CADM2: variants seen among roughly 807,000 people sequenced by gnomAD.
CADM2 encodes immunoglobulin superfamily member 4D.
In CADM2, 12 loss-of-function variants were observed where a neutral mutation model predicts 49.8. The ratio of observed to expected loss-of-function variants is 0.24; its 90% confidence interval spans 0.15 to 0.39. The LOEUF (loss-of-function observed/expected upper bound fraction) is 0.39. Ranked by LOEUF, CADM2 falls within the 10% of genes least tolerant of loss-of-function variation. The pLI, the probability that CADM2 is intolerant of heterozygous loss-of-function variation, is 1.00. For synonymous variants in CADM2, 214 were observed against 175.4 expected (o/e 1.22, Z -1.74); for missense variants, 378 against 492.3 (o/e 0.77, Z 2.20).
At chr3:85,310,766 T>C (rs140442310) in intron 1 of CADM2, among the ~76,000 whole-genome samples, 21 of 152,310 alleles carry the variant, frequency 1.4e-4, no homozygotes, top group African/African-American at 4.8e-4. Context: ...TCTGAAAGTA[T>C]GGAAGCAGGA....
At chr3:84,984,373 A>C (rs1032393057) in intron 1 of CADM2, among the ~76,000 whole-genome samples, 47 of 148,518 alleles carry the variant, frequency 3.2e-4, no homozygotes, top group African/African-American at 1.1e-3. Flanking sequence ...AAAAAAAAAA[A>C]AAAAAAAAAA....
At chr3:85,274,989 G>T (rs1257109147) in intron 1 of CADM2, among the ~76,000 whole-genome samples, 1 of 151,386 alleles carries the variant, frequency 6.6e-6, no homozygotes, top group Non-Finnish European at 1.5e-5. Context: ...ACAGCTTGAA[G>T]TCAATGAGAA....
chr3:85,676,305 C>G (rs1342019758), intron 1 of CADM2, among the ~76,000 whole-genome samples: 1 of 152,186 alleles, frequency 6.6e-6, no homozygotes, highest in African/African-American at 2.4e-5. Context: ...CCCTCCCAAA[C>G]CCAAATAGAA....
intron 8 of CADM2, chr3:86,014,572 G>C: frequency 6.3e-7 from 1 of 1,597,172 alleles, no homozygotes; most frequent in Non-Finnish European, 8.6e-7. Flanking sequence ...GAAACACTAA[G>C]TGTCCCAACA....
chr3:85,763,521 T>C (rs1280714535), intron 2 of CADM2, among the ~76,000 whole-genome samples: 1 of 152,184 alleles, frequency 6.6e-6, no homozygotes, highest in Non-Finnish European at 1.5e-5. Context: ...TAACAAATTA[T>C]TCTGAGTGAA....
At chr3:85,288,424 AT>A (rs1271162953) in intron 1 of CADM2, among the ~76,000 whole-genome samples, 2 of 152,012 alleles carry the variant, frequency 1.3e-5, no homozygotes, top group Non-Finnish European at 1.5e-5. Context: ...TTGTTAGATA[AT>A]TTTTGTTTTT....
intron 1 of CADM2, among the ~76,000 whole-genome samples, chr3:85,377,613 G>A (rs2107342745): frequency 6.6e-6 from 1 of 152,158 alleles, no homozygotes; most frequent in Non-Finnish European, 1.5e-5. Context: ...TACAGCTTAT[G>A]AAGAAATTAT....
chr3:85,613,330 TAAATG>T (rs1352668998), intron 1 of CADM2, among the ~76,000 whole-genome samples: 1 of 151,728 alleles, frequency 6.6e-6, no homozygotes, highest in East Asian at 1.9e-4. Context: ...ACAGCTTTAA[TAAATG>T]AAATGTTATT....
In CADM2 at chr3:85,257,953, C is replaced by T. The variant is rs540478152; in HGVS notation, c.61+298285C>T. ...GAGAGCTGTTACATCAGTATAATGTCTTTTTCTTAAAATATGAGTGACTCC... is the reference window on the plus strand; with the variant it reads ...GAGAGCTGTTACATCAGTATAATGTTTTTTTCTTAAAATATGAGTGACTCC... On this transcript the variant is annotated intron_variant, in intron 1 of 9. Transcript: ENST00000383699. Among the ~76,000 whole-genome samples, 11 of 152,142 alleles carry T rather than the reference C, an allele frequency of 7.2e-5. No homozygotes were observed. The East Asian group carries it at 1.9e-3, about 27-fold the overall frequency.
rs144441021 is a variant in CADM2 at position 85,288,384 on chromosome 3, G to T, written c.61+328716G>T. ...ATTTTCCTGTATTATTTCCATGGAT[G>T]ATTTGAAATAGGTGATTTTTGTTAG... On this transcript the variant is annotated intron_variant, in intron 1 of 9. Transcript: ENST00000383699. Among the ~76,000 whole-genome samples the T allele has an allele frequency of 2.1e-3, 313 of 152,104 alleles. 1 individual carries two copies. The highest frequency in any genetic ancestry group is 7.3e-3 in the African/African-American group (304 of 41,496).
intron 1 of CADM2, among the ~76,000 whole-genome samples, chr3:85,392,024 A>G (rs1032279419): frequency 1.3e-5 from 2 of 152,096 alleles, no homozygotes; most frequent in Admixed American, 6.5e-5. Flanking sequence ...GAGTGTTAGC[A>G]TTGGGAGAGA....
intron 3 of CADM2, among the ~76,000 whole-genome samples, chr3:85,872,954 C>A (rs1229375599): frequency 4.6e-5 from 7 of 152,048 alleles, no homozygotes; most frequent in African/African-American, 7.2e-5. Flanking sequence ...TAACAAAATA[C>A]CACAGACTGG....
At chr3:85,586,360 A>G (rs2062946073) in intron 1 of CADM2, among the ~76,000 whole-genome samples, 2 of 152,120 alleles carry the variant, frequency 1.3e-5, no homozygotes, top group African/African-American at 4.8e-5. Flanking sequence ...AAAAACAAAA[A>G]CAGAAAAACA....
chr3:85,502,743 T>C lies in CADM2; in HGVS notation c.62-223779T>C, dbSNP rs1015102871. ...ATCACTGTTTCTTCCTGGGAATAGT[T>C]GAGCTTATCCAGAGGCAAAAGTTGA... On this transcript the variant is annotated intron_variant, in intron 1 of 9. Transcript: ENST00000383699. Among the ~76,000 whole-genome samples the C allele has an allele frequency of 3.9e-5, 6 of 152,262 alleles. No homozygotes were observed. The East Asian group carries it at 1.2e-3, about 29-fold the overall frequency.
chr3:85,330,473 C>G (rs1341083856), intron 1 of CADM2, among the ~76,000 whole-genome samples: 1 of 152,070 alleles, frequency 6.6e-6, no homozygotes, highest in Non-Finnish European at 1.5e-5. Flanking sequence ...TTGCAATGCT[C>G]CAACAACACT....
At chr3:85,815,892 G>A (rs2073174653) in intron 3 of CADM2, among the ~76,000 whole-genome samples, 1 of 152,088 alleles carries the variant, frequency 6.6e-6, no homozygotes, top group South Asian at 2.1e-4. Flanking sequence ...AGCAACTTTA[G>A]CAAAGTTCAG....
chr3:85,921,134 TATC>T (rs1478428636), intron 6 of CADM2, among the ~76,000 whole-genome samples: 1 of 151,822 alleles, frequency 6.6e-6, no homozygotes, highest in Non-Finnish European at 1.5e-5. Flanking sequence ...CAAGTAAAAA[TATC>T]ATATACATCT....
intron 7 of CADM2, among the ~76,000 whole-genome samples, chr3:85,956,820 A>T (rs540543193): frequency 7.2e-5 from 11 of 151,804 alleles, no homozygotes; most frequent in Admixed American, 6.6e-4. Flanking sequence ...AAAGCTTATA[A>T]ACAGAACTAG....
intron 1 of CADM2, among the ~76,000 whole-genome samples, chr3:85,309,243 A>G (rs2044286118): frequency 6.6e-6 from 1 of 152,154 alleles, no homozygotes; most frequent in South Asian, 2.1e-4. Flanking sequence ...AAGACCTGAG[A>G]TGAATCTTCA....
Sources: gnomAD v4.1 joint callset for allele counts (sites outside exome capture counted in the v4.1 genomes callset) on GRCh38, gnomAD v4.1.1 for gene constraint, MANE v1.5 for transcripts, NCBI Gene and HGNC (gene_info 2026-07-23, HGNC 2026-07-21) for gene names.